Variants in DNAJC16 observed in about 807,000 individuals in gnomAD.
DNAJC16 encodes DnaJ heat shock protein family (Hsp40) member C16.
DNAJC16 carries 76 observed loss-of-function variants against 92.7 expected under a neutral mutation model. The observed-to-expected ratio is 0.82, with a 90% CI of 0.68 to 0.99. DNAJC16 has a LOEUF of 0.99. Ranked by LOEUF, DNAJC16 falls within the 50% of genes least tolerant of loss-of-function variation. The probability of loss-of-function intolerance (pLI) is 0.00; values close to 1 mark genes in which losing one functional copy is unlikely to be tolerated. For synonymous variants in DNAJC16, 328 were observed against 358.7 expected (o/e 0.91, Z 0.97); for missense variants, 869 against 942.4 (o/e 0.92, Z 1.02).
At chr1:15,529,959 T>C (rs1710616076) in intron 2 of DNAJC16, among the ~76,000 whole-genome samples, 1 of 152,208 alleles carries the variant, frequency 6.6e-6, no homozygotes, top group African/African-American at 2.4e-5. Context: ...TATACTGTTA[T>C]TGTTTAAGGA....
chr1:15,531,437 G>A (rs771833646), intron 2 of DNAJC16, among the ~76,000 whole-genome samples: 4 of 152,178 alleles, frequency 2.6e-5, no homozygotes, highest in Admixed American at 2.0e-4. Flanking sequence ...TTATACCAAG[G>A]TTATGTTCTA....
Position 15,534,452 on chromosome 1 carries a change from G to A in DNAJC16, c.234+149G>A, listed in dbSNP as rs1045511254. ...ATAATAGAGAGAACAGGCTGGATGC[G>A]GTGGCTCATGCCTGTAATCCCAGCA... On this transcript the variant is annotated intron_variant, in intron 3 of 14. Transcript: ENST00000375847. 9 of 784,342 alleles carry A rather than the reference G, an allele frequency of 1.1e-5. 1 individual carries two copies. Among genetic ancestry groups the A allele is most frequent in the South Asian group, 1.1e-4 (5 of 47,584 alleles). 48.6% of individuals were successfully genotyped at this position (784,342 alleles called of 1,614,324 possible).
At position 15,548,387 on chromosome 1, in the gene DNAJC16, G is replaced by A; in HGVS notation, c.982G>A (p.Val328Ile). The A allele has an allele frequency of 6.2e-7, 1 of 1,614,028 alleles. No individual in the cohort carries two copies. The highest frequency in any genetic ancestry group is 2.2e-5 in the East Asian group (1 of 44,884). ...CAATATCTACGCCCCTACCCTCTTG[G>A]TCTTTAAAGAACATATAAACAGGCC... ...NINIYAPTLL[V>I]FKEHINRPAD... Residue 328 changes from valine to isoleucine, a missense_variant, in exon 7 of 15, where the codon GTC becomes ATC. Physicochemically the swap from Val to Ile is conservative, Grantham distance 29 (BLOSUM62 3). Transcript: ENST00000375847.
intron 7 of DNAJC16, among the ~76,000 whole-genome samples, chr1:15,552,437 C>T (rs1638467035): frequency 1.3e-5 from 2 of 151,846 alleles, no homozygotes. Flanking sequence ...TGCAGTGAGC[C>T]AAGATCGCGC....
At chr1:15,556,662 CT>C (rs894657693) in intron 7 of DNAJC16, among the ~76,000 whole-genome samples, 8 of 83,340 alleles carry the variant, frequency 9.6e-5, no homozygotes, top group African/African-American at 4.8e-4. Flanking sequence ...AATTTTACTT[CT>C]TTTTTTTTCC....
chr1:15,571,617 G>A lies in DNAJC16; in HGVS notation c.*3440G>A, dbSNP rs1243259993. ...ATTTGGCAAATTGTTTCTTTTTTAT[G>A]TTTTGGGTGTTGTTTTTGTTTTTTG... On this transcript the variant is annotated 3_prime_UTR_variant, in exon 15 of 15. Coordinates refer to ENST00000375847, the MANE Select transcript of DNAJC16 (RefSeq NM_015291.4). The A allele has an allele frequency of 4.6e-5, 7 of 152,576 alleles. No individual in the cohort carries two copies. Among genetic ancestry groups the A allele is most frequent in the Admixed American group, 2.6e-4 (4 of 15,264 alleles). The allele number at this position is 152,576 out of a possible 1,614,324, so 9.5% of individuals were successfully genotyped here. A position where few individuals can be genotyped will look rare whatever the true frequency, so the allele number is the denominator to read the frequency against.
At position 15,527,358 on chromosome 1, in the gene DNAJC16, G is replaced by A. The variant is rs189257646; in HGVS notation, c.-19+400G>A. 7.0e-4 allele frequency among the ~76,000 whole-genome samples: 106 copies of A among 152,306 alleles called. 1 individual carries two copies. In the Middle Eastern group the frequency reaches 0.031, roughly 44 times the overall value. On this transcript the variant is annotated intron_variant, in intron 1 of 14. Coordinates refer to ENST00000375847, the MANE Select transcript of DNAJC16 (RefSeq NM_015291.4). ...CCTCTAGCTGGAAGGAACTGACATG[G>A]TTAAATAAGGCAGCGATCGTACTGC...
chr1:15,554,826 C>T lies in DNAJC16; in HGVS notation c.1024-4700C>T, dbSNP rs983523171. 3.3e-5 allele frequency among the ~76,000 whole-genome samples: 5 copies of T among 152,032 alleles called. No individual in the cohort carries two copies. The East Asian group carries it at 9.7e-4, about 30-fold the overall frequency. On this transcript the variant is annotated intron_variant, in intron 7 of 14. Coordinates refer to ENST00000375847, the MANE Select transcript of DNAJC16 (RefSeq NM_015291.4). The stretch of plus-strand genomic sequence containing the variant: ...GCTTTTAGAAGCTCTGAGAAGAATA[C>T]CTTCATGATCTTGATATAGGGGAAG...
intron 8 of DNAJC16, among the ~76,000 whole-genome samples, chr1:15,561,202 C>G (rs929244110): frequency 1.3e-5 from 2 of 151,668 alleles, no homozygotes; most frequent in Non-Finnish European, 2.9e-5. Flanking sequence ...TCCATGAGGG[C>G]AATAATATTG....
intron 3 of DNAJC16, among the ~76,000 whole-genome samples, chr1:15,535,876 C>G (rs1225705705): frequency 6.6e-6 from 1 of 151,580 alleles, no homozygotes; most frequent in Non-Finnish European, 1.5e-5. Context: ...ATCTCCCACT[C>G]ACCTCACCCT....
intron 9 of DNAJC16, among the ~76,000 whole-genome samples, chr1:15,563,663 T>TC (rs1371025739): frequency 1.9e-5 from 1 of 53,182 alleles, no homozygotes; most frequent in Non-Finnish European, 3.5e-5. Flanking sequence ...CCATCTCTAC[T>TC]AAAAAAAAAA....
intron 1 of DNAJC16, among the ~76,000 whole-genome samples, 161 bp downstream of exon 1, chr1:15,527,119 G>A (rs1710534787): frequency 6.6e-6 from 1 of 152,114 alleles, no homozygotes; most frequent in Non-Finnish European, 1.5e-5. Context: ...GGCGGCGGGG[G>A]AGGGGGCTGT....
Position 15,568,867 on chromosome 1 carries a change from T to C in DNAJC16, c.*690T>C. Reference sequence around the variant, plus strand: ...GAGCAGTGGCTGAAGCGATGCAGCCTTGAGACACGCTGTGAGCATCCCATC... The same window carrying C: ...GAGCAGTGGCTGAAGCGATGCAGCCCTGAGACACGCTGTGAGCATCCCATC... On this transcript the variant is annotated 3_prime_UTR_variant, in exon 15 of 15. Transcript: ENST00000375847. 1 of 396,544 alleles carries C rather than the reference T, an allele frequency of 2.5e-6. No homozygotes were observed. 24.6% of individuals were successfully genotyped at this position (396,544 alleles called of 1,614,324 possible).
intron 6 of DNAJC16, 99 bp downstream of exon 6, chr1:15,546,970 T>C: frequency 1.1e-6 from 1 of 931,564 alleles, no homozygotes; most frequent in Non-Finnish European, 1.6e-6. Context: ...ACTTATAGCC[T>C]ATTTGTCTTT....
chr1:15,563,970 GT>G lies in DNAJC16; in HGVS notation c.1381del (p.Tyr461IlefsTer41). 1 of 1,614,190 alleles carries G rather than the reference GT, an allele frequency of 6.2e-7. No homozygotes were observed. Among genetic ancestry groups the G allele is most frequent in the Non-Finnish European group, 8.5e-7 (1 of 1,180,024 alleles). ...ERRNTAGRVVYKTLEDPWIGS... is the reference protein window; with the variant it reads ...ERRNTAGRVVXKTLEDPWIGS... ...GGCGCAACACAGCAGGAAGGGTGGT[GT>G]ATAAAACCCTGGAAGACCCTTGGAT... On this transcript the variant is annotated frameshift_variant, in exon 10 of 15. Coordinates refer to ENST00000375847, the MANE Select transcript of DNAJC16 (RefSeq NM_015291.4). LOFTEE classifies it high-confidence loss of function.
rs1267319329 is a variant in DNAJC16 at position 15,567,109 on chromosome 1, A to C, written c.1789A>C (p.Lys597Gln). 4 of 1,606,344 alleles carry C rather than the reference A, an allele frequency of 2.5e-6. No individual in the cohort carries two copies. The highest frequency in any genetic ancestry group is 2.6e-6 in the Non-Finnish European group (3 of 1,173,480). Residue 597 changes from lysine (K) to glutamine (Q), a missense_variant, in exon 14 of 15, where the codon AAA becomes CAA. Coordinates refer to ENST00000375847, the MANE Select transcript of DNAJC16 (RefSeq NM_015291.4). ...AATATTTCTCCACAGCAAGATTCCT[A>C]AAAAAGGCTTTGTGGAGGTAACTGA... is the stretch of plus-strand genomic sequence containing the variant. ...FTKENSSKIP[K>Q]KGFVEVTELT...
intron 4 of DNAJC16, among the ~76,000 whole-genome samples, chr1:15,537,094 G>A (rs1710810482): frequency 6.6e-6 from 1 of 152,178 alleles, no homozygotes. Flanking sequence ...CAAGTGATCT[G>A]CCTGCCTCGG....
At chr1:15,544,322 C>CA (rs990296520) in intron 4 of DNAJC16, 77 bp from the exon 5 acceptor site, 14 of 1,426,434 alleles carry the variant, frequency 9.8e-6, no homozygotes, top group Non-Finnish European at 1.1e-5. Flanking sequence ...AATTTCACAC[C>CA]AAAAAATTAC....
At chr1:15,539,349 C>T (rs956900772) in intron 4 of DNAJC16, among the ~76,000 whole-genome samples, 18 of 151,870 alleles carry the variant, frequency 1.2e-4, no homozygotes, top group African/African-American at 4.3e-4. Flanking sequence ...AGGTTCACAC[C>T]GTTCTCCTGC....
Sources: allele counts gnomAD v4.1 joint callset (sites outside exome capture counted in the v4.1 genomes callset), GRCh38; gene constraint gnomAD v4.1.1; transcripts MANE v1.5; gene names NCBI Gene and HGNC (gene_info 2026-07-23, HGNC 2026-07-21).